LGR5: variants seen among roughly 807,000 people sequenced by gnomAD.
The protein encoded by LGR5 is leucine rich repeat containing G protein-coupled receptor 5, also known as leucine-rich repeat-containing G protein-coupled receptor 5.
Under a neutral mutation model 76.7 loss-of-function variants are expected in LGR5, and 54 were observed. That is an observed-to-expected ratio of 0.70 (90% CI 0.57 to 0.88). The LOEUF (loss-of-function observed/expected upper bound fraction) is 0.88. Among genes scored for constraint, LGR5 ranks in the 40% least tolerant of loss-of-function variants. The pLI, the probability that LGR5 is intolerant of heterozygous loss-of-function variation, is 0.00. For missense variants in LGR5, 1,078 were observed against 1,073.3 expected, an observed-to-expected ratio of 1.00 and a Z score of -0.06; for synonymous variants, 406 against 421.9, an observed-to-expected ratio of 0.96 and a Z score of 0.46.
At chr12:71,470,786 T>C (rs1206213859) in intron 1 of LGR5, among the ~76,000 whole-genome samples, 1 of 152,204 alleles carries the variant, frequency 6.6e-6, no homozygotes, top group African/African-American at 2.4e-5. Flanking sequence ...GAACATGTGC[T>C]GTCCCTGCAC....
chr12:71,533,736 C>G (rs1230450653), intron 3 of LGR5, among the ~76,000 whole-genome samples: 2 of 152,222 alleles, frequency 1.3e-5, no homozygotes, highest in Non-Finnish European at 2.9e-5. Context: ...TGAACCTTCA[C>G]TCATTGAATC....
chr12:71,465,762 CAT>C (rs1167748455), intron 1 of LGR5, among the ~76,000 whole-genome samples: 10 of 152,128 alleles, frequency 6.6e-5, no homozygotes, highest in African/African-American at 2.4e-4. Flanking sequence ...TTTCAGGTAA[CAT>C]AAACTGATTA....
intron 1 of LGR5, among the ~76,000 whole-genome samples, chr12:71,495,176 A>G (rs531156569): frequency 6.6e-6 from 1 of 151,506 alleles, no homozygotes; most frequent in South Asian, 2.1e-4. Context: ...GAAGTAATTC[A>G]TGAGTTGGGG....
chr12:71,469,894 C>G (rs1048735950), intron 1 of LGR5, among the ~76,000 whole-genome samples: 1 of 152,132 alleles, frequency 6.6e-6, no homozygotes, highest in Non-Finnish European at 1.5e-5. Flanking sequence ...AAAGCAGGAA[C>G]CTAATGAAGG....
chr12:71,456,069 G>T (rs957281505), intron 1 of LGR5, among the ~76,000 whole-genome samples: 1 of 152,096 alleles, frequency 6.6e-6, no homozygotes, highest in Non-Finnish European at 1.5e-5. Context: ...TTGACTATGA[G>T]AAATTTTCTA....
At chr12:71,491,170 G>A (rs1352023291) in intron 1 of LGR5, among the ~76,000 whole-genome samples, 1 of 151,918 alleles carries the variant, frequency 6.6e-6, no homozygotes, top group Non-Finnish European at 1.5e-5. Flanking sequence ...AACTGTGTGA[G>A]CTCATTAAAC....
chr12:71,556,299 C>G (rs943849234), intron 5 of LGR5, among the ~76,000 whole-genome samples: 2 of 151,754 alleles, frequency 1.3e-5, no homozygotes, highest in African/African-American at 4.8e-5. Context: ...AACAAACCTG[C>G]ACATGCACCC....
intron 1 of LGR5, among the ~76,000 whole-genome samples, chr12:71,453,464 CT>C (rs565288717): frequency 0.18 from 24,423 of 138,194 alleles, 2,363 homozygotes; most frequent in African/African-American, 0.28. Flanking sequence ...TTATCCTTTC[CT>C]TTTTTTTTTT....
chr12:71,577,842 T>C, intron 13 of LGR5, 83 bp from the exon 14 acceptor site: 2 of 855,290 alleles, frequency 2.3e-6, no homozygotes, highest in East Asian at 4.9e-5. Flanking sequence ...AAATTAATTT[T>C]GGTAGAAGAC....
rs1360908262 is a variant in LGR5 at position 71,535,051 on chromosome 12, C to A, written c.357-64C>A. 7.1e-6 allele frequency: 8 copies of A among 1,121,754 alleles called. No homozygotes were observed. The African/African-American group carries it at 1.1e-4, about 15-fold the overall frequency. The allele number at this position is 1,121,754 out of a possible 1,614,324, so 69.5% of individuals were successfully genotyped here. ...TTCTGACACCTGGAACAGTGCCTGGCCTTGTTTAGGCCTGTTATTGTTCAT... is the reference window on the plus strand; with the variant it reads ...TTCTGACACCTGGAACAGTGCCTGGACTTGTTTAGGCCTGTTATTGTTCAT... On this transcript the variant is annotated intron_variant, in intron 3 of 17. Transcript: ENST00000266674.
chr12:71,483,846 C>A (rs1873714590), intron 1 of LGR5, among the ~76,000 whole-genome samples: 1 of 152,008 alleles, frequency 6.6e-6, no homozygotes. Context: ...GGAAACATTT[C>A]AGAGATATAA....
chr12:71,477,495 TTA>T (rs1873389947), intron 1 of LGR5, among the ~76,000 whole-genome samples: 1 of 148,190 alleles, frequency 6.7e-6, no homozygotes, highest in African/African-American at 2.5e-5. Flanking sequence ...ATACTATGTA[TTA>T]TATATGTGAT....
At position 71,557,102 on chromosome 12, in the gene LGR5, A is replaced by C. The variant is rs148035873; in HGVS notation, c.716+412A>C. ...ACAGGCATCTCTTTAGGAAACAGTG[A>C]TGGCTCATGCTAAAGCAATTCAAAA... On this transcript the variant is annotated intron_variant, in intron 6 of 17. Coordinates refer to ENST00000266674, the MANE Select transcript of LGR5 (RefSeq NM_003667.4). Among the ~76,000 whole-genome samples, 599 of 152,280 alleles carry C rather than the reference A, an allele frequency of 3.9e-3. 4 individuals are homozygous for C. Among genetic ancestry groups the C allele is most frequent in the African/African-American group, 0.014 (566 of 41,562 alleles).
intron 4 of LGR5, among the ~76,000 whole-genome samples, chr12:71,547,654 TC>T (rs1349849298): frequency 6.6e-6 from 1 of 152,186 alleles, no homozygotes; most frequent in African/African-American, 2.4e-5. Context: ...CAATATGCCC[TC>T]AAATCTTGGA....
chr12:71,493,810 C>A (rs1592488003), intron 1 of LGR5, among the ~76,000 whole-genome samples: 1 of 148,500 alleles, frequency 6.7e-6, no homozygotes, highest in African/African-American at 2.6e-5. Context: ...GCTCTGTCGC[C>A]TAAGCTGGAG....
chr12:71,477,309 CG>C lies in LGR5; in HGVS notation c.213-27303del, dbSNP rs1873379961. Among the ~76,000 whole-genome samples the C allele has an allele frequency of 3.3e-5, 5 of 152,028 alleles. No homozygotes were observed. The South Asian group carries it at 1.0e-3, about 32-fold the overall frequency. On this transcript the variant is annotated intron_variant, in intron 1 of 17. Coordinates refer to ENST00000266674, the MANE Select transcript of LGR5 (RefSeq NM_003667.4). ...GTGACCCCTGAGACTCCACACTAAA[CG>C]GTGCAAATGGATGCCTCTGGGAAAT...
At chr12:71,449,744 T>C (rs748178044) in intron 1 of LGR5, among the ~76,000 whole-genome samples, 1 of 152,220 alleles carries the variant, frequency 6.6e-6, no homozygotes, top group Non-Finnish European at 1.5e-5. Context: ...TTGGGGAGAT[T>C]TATGTTAATT....
At chr12:71,494,929 C>G (rs1874243525) in intron 1 of LGR5, among the ~76,000 whole-genome samples, 1 of 151,024 alleles carries the variant, frequency 6.6e-6, no homozygotes, top group Non-Finnish European at 1.5e-5. Flanking sequence ...GAGCTCAGGA[C>G]ACAAATTGTG....
In LGR5 at chr12:71,585,513, C is replaced by T. The variant is rs1034073024; in HGVS notation, c.*779C>T. ...TTTTAACTCCTTGGTGCCCAAAGCT[C>T]AGAAGGGAATTCCACTGCCAGCAAT... On this transcript the variant is annotated 3_prime_UTR_variant, in exon 18 of 18. Transcript: ENST00000266674. 2 of 152,162 alleles carry T rather than the reference C, an allele frequency of 1.3e-5. No homozygotes were observed. Among genetic ancestry groups the T allele is most frequent in the Non-Finnish European group, 2.9e-5 (2 of 68,032 alleles). 9.4% of individuals were successfully genotyped at this position (152,162 alleles called of 1,614,324 possible). A position where few individuals can be genotyped will look rare whatever the true frequency, so the allele number is the denominator to read the frequency against.
Sources: gnomAD v4.1 joint callset for allele counts (sites outside exome capture counted in the v4.1 genomes callset) on GRCh38, gnomAD v4.1.1 for gene constraint, MANE v1.5 for transcripts, NCBI Gene and HGNC (gene_info 2026-07-23, HGNC 2026-07-21) for gene names.